The following EYS variants were observed in gnomAD, a reference collection of about 807,000 sequenced individuals.
EYS encodes the protein protein eyes shut homolog.
EYS carries 250 observed loss-of-function variants against 282.1 expected under a neutral mutation model. The observed-to-expected ratio is 0.89, with a 90% CI of 0.80 to 0.98. The LOEUF (loss-of-function observed/expected upper bound fraction) is 0.98. EYS is among the 50% of genes least tolerant of loss of function. The pLI, the probability that EYS is intolerant of heterozygous loss-of-function variation, is 0.00. For synonymous variants in EYS, 1,355 were observed against 1,282.9 expected (o/e 1.06, Z -1.20); for missense variants, 4,016 against 3,709.0 (o/e 1.08, Z -2.15).
intron 5 of EYS, among the ~76,000 whole-genome samples, chr6:65,426,788 T>C (rs1767680832): frequency 6.6e-6 from 1 of 152,160 alleles, no homozygotes; most frequent in Non-Finnish European, 1.5e-5. Flanking sequence ...AATTTTGTTT[T>C]AGGAGTTTCA....
chr6:64,743,245 C>G (rs1772434464), intron 22 of EYS, among the ~76,000 whole-genome samples: 1 of 151,762 alleles, frequency 6.6e-6, no homozygotes, highest in South Asian at 2.1e-4. Flanking sequence ...TTTTTTGAAC[C>G]TTACTGGTAG....
intron 24 of EYS, among the ~76,000 whole-genome samples, chr6:64,616,505 C>A (rs1229087244): frequency 6.6e-6 from 1 of 152,194 alleles, no homozygotes; most frequent in Non-Finnish European, 1.5e-5. Flanking sequence ...AGCCCAGGTC[C>A]TTCTACAATT....
At chr6:65,010,707 C>A (rs1771839560) in intron 13 of EYS, among the ~76,000 whole-genome samples, 1 of 152,206 alleles carries the variant, frequency 6.6e-6, no homozygotes, top group Non-Finnish European at 1.5e-5. Context: ...ATAGCCCTCA[C>A]TCAGGCACTA....
intron 22 of EYS, among the ~76,000 whole-genome samples, chr6:64,812,178 C>G (rs989773852): frequency 2.0e-5 from 3 of 151,258 alleles, no homozygotes; most frequent in African/African-American, 7.3e-5. Flanking sequence ...TATCAATCTA[C>G]AAAAGTACGA....
chr6:64,286,001 A>T (rs747013244), intron 30 of EYS, among the ~76,000 whole-genome samples: 17 of 152,212 alleles, frequency 1.1e-4, no homozygotes, highest in Non-Finnish European at 2.4e-4. Context: ...CATCTTTCTC[A>T]TCTGTAAAAT....
chr6:65,420,955 T>C (rs1296902561), intron 5 of EYS, among the ~76,000 whole-genome samples: 1 of 151,834 alleles, frequency 6.6e-6, no homozygotes, highest in Non-Finnish European at 1.5e-5. Flanking sequence ...TGTGTGGTCA[T>C]TCAGACTTTG....
chr6:64,596,737 A>C (rs2149835528), intron 24 of EYS, among the ~76,000 whole-genome samples: 1 of 152,310 alleles, frequency 6.6e-6, no homozygotes, highest in Non-Finnish European at 1.5e-5. Flanking sequence ...TAAGCATAAG[A>C]CCCCAAGCTA....
intron 26 of EYS, among the ~76,000 whole-genome samples, chr6:64,485,403 G>A (rs1382362453): frequency 2.0e-5 from 3 of 151,630 alleles, no homozygotes; most frequent in Non-Finnish European, 4.4e-5. Context: ...ACCTAAGGAT[G>A]TTAAGAGAAG....
At chr6:64,000,267 C>T (rs1180676416) in intron 33 of EYS, among the ~76,000 whole-genome samples, 2 of 141,094 alleles carry the variant, frequency 1.4e-5, no homozygotes, top group Non-Finnish European at 3.0e-5. Flanking sequence ...TCTCGGCTCA[C>T]GGCAAGCTCT....
chr6:64,349,724 CTG>C (rs1771548654), intron 29 of EYS, among the ~76,000 whole-genome samples: 1 of 151,386 alleles, frequency 6.6e-6, no homozygotes, highest in Non-Finnish European at 1.5e-5. Flanking sequence ...AAAACTTAAA[CTG>C]TCTGCAATTT....
intron 30 of EYS, among the ~76,000 whole-genome samples, chr6:64,278,717 A>ACTCTCTCTCTCTCTCTCTCTCTCTCT: frequency 7.0e-6 from 1 of 142,134 alleles, no homozygotes; most frequent in African/African-American, 2.6e-5. Context: ...TCAGCCAAAA[A>ACTCTCTCTCTCTCTCTCTCTCTCTCT]CTCTCTCTCT....
At chr6:65,150,156 G>A (rs1764577617) in intron 12 of EYS, among the ~76,000 whole-genome samples, 1 of 151,966 alleles carries the variant, frequency 6.6e-6, no homozygotes, top group Non-Finnish European at 1.5e-5. Flanking sequence ...TGGGAGCACA[G>A]CCAAGCCATA....
chr6:64,243,534 T>C (rs1014973689), intron 30 of EYS, among the ~76,000 whole-genome samples: 1 of 152,086 alleles, frequency 6.6e-6, no homozygotes, highest in Admixed American at 6.6e-5. Flanking sequence ...GTAAAGAAGG[T>C]AGGGGAAAAA....
chr6:64,422,900 A>T (rs530102693), intron 28 of EYS, among the ~76,000 whole-genome samples: 14 of 152,272 alleles, frequency 9.2e-5, no homozygotes, highest in Admixed American at 2.6e-4. Flanking sequence ...TTTTATATAG[A>T]TAACATTTTA....
intron 32 of EYS, among the ~76,000 whole-genome samples, chr6:64,073,874 G>C (rs538747154): frequency 4.3e-4 from 65 of 151,576 alleles, no homozygotes; most frequent in Non-Finnish European, 8.6e-4. Flanking sequence ...GCTACCTTCA[G>C]GCAGGACTTG....
At chr6:64,617,584 A>T (rs1767314089) in intron 23 of EYS, 51 bp from the exon 24 acceptor site, 1 of 1,025,340 alleles carries the variant, frequency 9.8e-7, no homozygotes, top group South Asian at 1.4e-5. Context: ...GATAATAAAA[A>T]CAGTTATGCT....
chr6:63,977,792 C>T (rs940077640), intron 35 of EYS, among the ~76,000 whole-genome samples: 16 of 151,892 alleles, frequency 1.1e-4, no homozygotes, highest in African/African-American at 2.2e-4. Flanking sequence ...GAAAACCTTT[C>T]GATATTTTTC....
intron 40 of EYS, among the ~76,000 whole-genome samples, chr6:63,767,761 A>G (rs916654620): frequency 2.0e-5 from 3 of 152,120 alleles, no homozygotes; most frequent in South Asian, 4.1e-4. Flanking sequence ...GAGGCTAAAT[A>G]GCTGAAATGA....
intron 21 of EYS, among the ~76,000 whole-genome samples, chr6:64,817,173 C>G (rs937337099): frequency 6.6e-6 from 1 of 152,018 alleles, no homozygotes; most frequent in African/African-American, 2.4e-5. Flanking sequence ...GACTCCAACT[C>G]AAACCCTCTC....
Sources: gnomAD v4.1 joint callset for allele counts (sites outside exome capture counted in the v4.1 genomes callset) on GRCh38, gnomAD v4.1.1 for gene constraint, MANE v1.5 for transcripts, NCBI Gene and HGNC (gene_info 2026-07-23, HGNC 2026-07-21) for gene names.